The following CNTNAP2 variants were observed in gnomAD, a reference collection of about 807,000 sequenced individuals.
CNTNAP2 encodes contactin-associated protein-like 2.
CNTNAP2 carries 98 observed loss-of-function variants against 155.2 expected under a neutral mutation model. That is an observed-to-expected ratio of 0.63 (90% CI 0.54 to 0.75). The LOEUF (loss-of-function observed/expected upper bound fraction) is 0.75, where lower values mean the gene tolerates loss of function less well. Ranked by LOEUF, CNTNAP2 falls within the 30% of genes least tolerant of loss-of-function variation. The probability of loss-of-function intolerance (pLI) is 0.00; values close to 1 mark genes in which losing one functional copy is unlikely to be tolerated. For synonymous variants in CNTNAP2, 651 were observed against 631.2 expected (o/e 1.03, Z -0.47); for missense variants, 1,727 against 1,688.1 (o/e 1.02, Z -0.40).
chr7:146,504,501 C>A (rs62483357), intron 1 of CNTNAP2, among the ~76,000 whole-genome samples: 31,000 of 152,172 alleles, frequency 0.2, 3,826 homozygotes, highest in East Asian at 0.45. Context: ...TCAGGTTCTG[C>A]ACTACCACTT....
Position 146,161,876 on chromosome 7 carries a change from A to G in CNTNAP2, c.97+44903A>G, listed in dbSNP as rs188992363. ...AATACCACACATCTACAACCATCTG[A>G]TCTTTGACAAACCTGACAAAAACGA... On this transcript the variant is annotated intron_variant, in intron 1 of 23. Coordinates refer to ENST00000361727, the MANE Select transcript of CNTNAP2 (RefSeq NM_014141.6). Among the ~76,000 whole-genome samples the G allele has an allele frequency of 9.7e-3, 1,485 of 152,312 alleles. 30 individuals carry two copies. The highest frequency in any genetic ancestry group is 0.034 in the African/African-American group (1,404 of 41,572).
intron 9 of CNTNAP2, among the ~76,000 whole-genome samples, chr7:147,313,028 T>C (rs1323468590): frequency 1.5e-5 from 2 of 137,848 alleles, no homozygotes; most frequent in Admixed American, 1.5e-4. Flanking sequence ...ATGAGCATTT[T>C]TTCATGTGTC....
intron 9 of CNTNAP2, among the ~76,000 whole-genome samples, chr7:147,365,230 C>A (rs1218033956): frequency 6.6e-6 from 1 of 151,602 alleles, no homozygotes; most frequent in Non-Finnish European, 1.5e-5. Context: ...ATGGTGAAAC[C>A]CCGTCTCTAC....
chr7:147,472,835 T>A (rs952023172), intron 10 of CNTNAP2, among the ~76,000 whole-genome samples: 1 of 152,080 alleles, frequency 6.6e-6, no homozygotes, highest in African/African-American at 2.4e-5. Flanking sequence ...GAGAATAACA[T>A]CCAAAGATAT....
intron 10 of CNTNAP2, among the ~76,000 whole-genome samples, chr7:147,477,432 G>A (rs1798342473): frequency 6.6e-6 from 1 of 152,072 alleles, no homozygotes; most frequent in African/African-American, 2.4e-5. Context: ...GTTTCTTGTG[G>A]TCTCATTCTA....
chr7:147,166,034 T>C (rs1444145409), intron 8 of CNTNAP2, among the ~76,000 whole-genome samples: 1 of 152,150 alleles, frequency 6.6e-6, no homozygotes, highest in African/African-American at 2.4e-5. Flanking sequence ...ACTGGGTATC[T>C]ACCCAGAGGA....
intron 8 of CNTNAP2, among the ~76,000 whole-genome samples, chr7:147,231,120 C>T (rs1338027842): frequency 6.6e-6 from 1 of 152,212 alleles, no homozygotes; most frequent in Non-Finnish European, 1.5e-5. Flanking sequence ...CCTGAGAACG[C>T]ACTCACTACA....
chr7:147,413,196 A>G (rs930296619), intron 10 of CNTNAP2, among the ~76,000 whole-genome samples: 1 of 152,220 alleles, frequency 6.6e-6, no homozygotes, highest in Non-Finnish European at 1.5e-5. Flanking sequence ...CTACTTTGCC[A>G]GTGAATTGAG....
At chr7:148,305,791 C>A (rs1367716543) in intron 21 of CNTNAP2, among the ~76,000 whole-genome samples, 1 of 152,180 alleles carries the variant, frequency 6.6e-6, no homozygotes, top group African/African-American at 2.4e-5. Flanking sequence ...CCAGGACCCT[C>A]CCCTGACACA....
At chr7:148,185,283 G>A (rs1186518365) in intron 18 of CNTNAP2, among the ~76,000 whole-genome samples, 1 of 152,186 alleles carries the variant, frequency 6.6e-6, no homozygotes, top group Non-Finnish European at 1.5e-5. Context: ...TCCTGTCTCT[G>A]TCATGGAATT....
intron 15 of CNTNAP2, among the ~76,000 whole-genome samples, chr7:148,029,375 C>T (rs989620812): frequency 6.6e-6 from 1 of 152,124 alleles, no homozygotes; most frequent in South Asian, 2.1e-4. Context: ...GCCGAGTTTG[C>T]TAATTGCCCC....
At chr7:147,543,140 G>A (rs762270437) in intron 11 of CNTNAP2, among the ~76,000 whole-genome samples, 12 of 152,316 alleles carry the variant, frequency 7.9e-5, no homozygotes, top group Admixed American at 3.3e-4. Context: ...CCAGTCATTA[G>A]CATTGTTTCT....
chr7:147,654,924 C>G (rs1416695844), intron 13 of CNTNAP2, among the ~76,000 whole-genome samples: 1 of 139,924 alleles, frequency 7.1e-6, no homozygotes, highest in Non-Finnish European at 1.5e-5. Flanking sequence ...TCAAGCAATT[C>G]TCCTGCCTCA....
intron 1 of CNTNAP2, among the ~76,000 whole-genome samples, chr7:146,731,377 TTTTA>T (rs1003768930): frequency 4.0e-5 from 6 of 151,540 alleles, no homozygotes; most frequent in African/African-American, 1.2e-4. Context: ...TTATTTATTA[TTTTA>T]TTTTTATTTT....
At chr7:146,347,564 T>G (rs1794838134) in intron 1 of CNTNAP2, among the ~76,000 whole-genome samples, 1 of 152,194 alleles carries the variant, frequency 6.6e-6, no homozygotes, top group African/African-American at 2.4e-5. Flanking sequence ...ATTGGCTTTT[T>G]TTATTTGTTT....
chr7:147,033,589 C>T (rs779719452), intron 3 of CNTNAP2, among the ~76,000 whole-genome samples: 1 of 151,822 alleles, frequency 6.6e-6, no homozygotes, highest in Admixed American at 6.6e-5. Context: ...ATAACAAGAC[C>T]TATGAAATGT....
intron 1 of CNTNAP2, among the ~76,000 whole-genome samples, chr7:146,675,874 A>G (rs1238338436): frequency 2.0e-5 from 3 of 152,130 alleles, no homozygotes; most frequent in African/African-American, 4.8e-5. Flanking sequence ...TTATCAATAC[A>G]TATGCTTCAT....
At chr7:146,587,606 A>G (rs977123314) in intron 1 of CNTNAP2, among the ~76,000 whole-genome samples, 5 of 152,184 alleles carry the variant, frequency 3.3e-5, no homozygotes, top group Non-Finnish European at 4.4e-5. Flanking sequence ...ATATGCACGT[A>G]TGATGGTAAT....
chr7:147,122,373 G>A (rs763281923), intron 6 of CNTNAP2: 12 of 152,270 alleles, frequency 7.9e-5, no homozygotes, highest in Middle Eastern at 3.4e-3. Context: ...GTCCTGAGCC[G>A]TTAGGTCCAA....
Sources: gnomAD v4.1 joint callset for allele counts (sites outside exome capture counted in the v4.1 genomes callset) on GRCh38, gnomAD v4.1.1 for gene constraint, MANE v1.5 for transcripts, NCBI Gene and HGNC (gene_info 2026-07-23, HGNC 2026-07-21) for gene names.